Variants in REV3L observed in about 807,000 individuals in gnomAD.
REV3L encodes REV3 like, DNA directed polymerase zeta catalytic subunit.
A neutral mutation model predicts 299.4 loss-of-function variants in REV3L; 69 were observed. The ratio of observed to expected loss-of-function variants is 0.23; its 90% CI spans 0.19 to 0.28. REV3L has a LOEUF of 0.28. Ranked by LOEUF, REV3L falls within the 10% of genes least tolerant of loss-of-function variation. The pLI is 1.00. For missense variants in REV3L, 3,128 were observed against 3,693.8 expected, an observed-to-expected ratio of 0.85 and a Z score of 3.97; for synonymous variants, 1,238 against 1,271.4, an observed-to-expected ratio of 0.97 and a Z score of 0.56.
At chr6:111,437,717 T>G (rs1787736083) in intron 1 of REV3L, among the ~76,000 whole-genome samples, 1 of 152,126 alleles carries the variant, frequency 6.6e-6, no homozygotes, top group Non-Finnish European at 1.5e-5. Flanking sequence ...CTGACTGCTA[T>G]TTGAGACGGT....
chr6:111,316,068 A>G (rs925607031), intron 26 of REV3L, among the ~76,000 whole-genome samples: 1 of 152,022 alleles, frequency 6.6e-6, no homozygotes, highest in Non-Finnish European at 1.5e-5. Context: ...GTGAAACCCC[A>G]TCCCTACTAA....
In REV3L at chr6:111,405,623, C is replaced by T; in HGVS notation, c.412G>A (p.Glu138Lys). The T allele has an allele frequency of 5.0e-6, 8 of 1,587,476 alleles. No homozygotes were observed. The highest frequency in any genetic ancestry group is 6.8e-6 in the Non-Finnish European group (8 of 1,170,298). Residue 138 changes from glutamate to lysine, a missense_variant, in exon 4 of 32, where the codon GAA (glutamate) becomes AAA (lysine). Physicochemically the swap from Glu to Lys is moderately conservative, Grantham distance 56. Around this residue, in one of 9 missense-constraint regions of REV3L, gnomAD observed 2,409 missense variants for 2,611.8 expected, o/e 0.92. Transcript: ENST00000368802. ...ATTATGGCTCCGCTTTGCAAAAGTT[C>T]ACATATCCTAAATTAGAAAAAAAAA... Reference protein sequence around the residue: ...YNPTMVKRICELLQSGAIMNK... With the variant: ...YNPTMVKRICKLLQSGAIMNK...
intron 27 of REV3L, 34 bp downstream of exon 27, chr6:111,315,233 T>G: frequency 6.7e-7 from 1 of 1,502,520 alleles, no homozygotes; most frequent in South Asian, 1.2e-5. Flanking sequence ...TATATGAATT[T>G]TATATGTAAT....
chr6:111,482,294 G>C (rs955347081), intron 1 of REV3L, among the ~76,000 whole-genome samples: 3 of 152,212 alleles, frequency 2.0e-5, no homozygotes, highest in African/African-American at 7.2e-5. Context: ...TGACAACAAG[G>C]CTGACACTTC....
chr6:111,431,317 A>C (rs1562301715), intron 1 of REV3L: 2 of 1,174,638 alleles, frequency 1.7e-6, no homozygotes, highest in Non-Finnish European at 1.3e-6. Flanking sequence ...CAGCAAAAGA[A>C]ATGGAGATTA....
At chr6:111,319,092 C>T (rs897415542) in intron 26 of REV3L, among the ~76,000 whole-genome samples, 10 of 151,638 alleles carry the variant, frequency 6.6e-5, no homozygotes, top group African/African-American at 2.4e-4. Flanking sequence ...TATTTTATTA[C>T]ATACTATACA....
At chr6:111,414,519 A>T (rs1784563472) in intron 2 of REV3L, among the ~76,000 whole-genome samples, 1 of 152,186 alleles carries the variant, frequency 6.6e-6, no homozygotes, top group South Asian at 2.1e-4. Flanking sequence ...AATTTACAGT[A>T]TAAGAGTACT....
At chr6:111,359,950 T>A (rs1003911323) in intron 16 of REV3L, among the ~76,000 whole-genome samples, 1 of 152,208 alleles carries the variant, frequency 6.6e-6, no homozygotes, top group African/African-American at 2.4e-5. Context: ...GGTAAATCTC[T>A]ATCAAAATTA....
chr6:111,405,637 T>G lies in REV3L; in HGVS notation c.405-7A>C, dbSNP rs759467423. 6.4e-7 allele frequency: 1 copy of G among 1,563,678 alleles called. No individual in the cohort carries two copies. Among genetic ancestry groups the G allele is most frequent in the Admixed American group, 2.0e-5 (1 of 49,728 alleles). Reference sequence around the variant, plus strand: ...TTGCAAAAGTTCACATATCCTAAATTAGAAAAAAAAAGTTTTATCATAAAA... The same window carrying G: ...TTGCAAAAGTTCACATATCCTAAATGAGAAAAAAAAAGTTTTATCATAAAA... On this transcript the variant is annotated splice_polypyrimidine_tract_variant and splice_region_variant and intron_variant, in intron 3 of 31. Coordinates refer to ENST00000368802, the MANE Select transcript of REV3L (RefSeq NM_001372078.1).
chr6:111,383,567 T>C (rs562982822), intron 9 of REV3L, among the ~76,000 whole-genome samples: 2 of 152,234 alleles, frequency 1.3e-5, no homozygotes, highest in South Asian at 2.1e-4. Context: ...GAAACATCCC[T>C]ACAATGAAAA....
intron 12 of REV3L, among the ~76,000 whole-genome samples, chr6:111,377,018 G>A (rs1306909458): frequency 2.6e-5 from 4 of 152,096 alleles, no homozygotes; most frequent in Admixed American, 6.6e-5. Context: ...GGGCATAAGG[G>A]AAAAATACTG....
At chr6:111,383,199 C>T (rs1189855822) in intron 9 of REV3L, among the ~76,000 whole-genome samples, 1 of 152,190 alleles carries the variant, frequency 6.6e-6, no homozygotes, top group African/African-American at 2.4e-5. Context: ...AAAGCCCGTT[C>T]TCTAAGATCT....
chr6:111,339,967 C>T (rs959854864), intron 21 of REV3L, among the ~76,000 whole-genome samples: 10 of 151,972 alleles, frequency 6.6e-5, no homozygotes, highest in Admixed American at 1.3e-4. Context: ...AGTTTTGATC[C>T]GGAAAGGAGG....
At chr6:111,347,820 C>G (rs1043887761) in intron 20 of REV3L, among the ~76,000 whole-genome samples, 2 of 152,124 alleles carry the variant, frequency 1.3e-5, no homozygotes, top group Non-Finnish European at 2.9e-5. Context: ...AATTCCTGGC[C>G]TCAAAAGGTC....
chr6:111,427,359 G>C (rs1786299476), intron 1 of REV3L, among the ~76,000 whole-genome samples: 1 of 152,028 alleles, frequency 6.6e-6, no homozygotes, highest in Non-Finnish European at 1.5e-5. Flanking sequence ...CTTGTATCTA[G>C]AACAAACAAC....
At position 111,343,929 on chromosome 6, in the gene REV3L, ATAGATC is replaced by A; in HGVS notation, c.7528_7533del (p.Asp2510_Leu2511del). The A allele has an allele frequency of 6.4e-7, 1 of 1,569,298 alleles. No homozygotes were observed. The highest frequency in any genetic ancestry group is 8.7e-7 in the Non-Finnish European group (1 of 1,144,726). Reference sequence around the variant, plus strand: ...TTCAGAGTTATAGAACAGTACCTGTATAGATCTGTCTTGTTATCAAACCAGTCTGAC... The same window carrying A: ...TTCAGAGTTATAGAACAGTACCTGTATGTCTTGTTATCAAACCAGTCTGAC... On this transcript the variant is annotated inframe_deletion, in exon 21 of 32. Transcript: ENST00000368802.
chr6:111,367,517 T>C lies in REV3L; in HGVS notation c.6271A>G (p.Ser2091Gly). The change falls in exon 14 of 32, where the codon AGT becomes GGT. Residue 2091 changes from serine (S) to glycine (G), a missense_variant. This residue lies in a region of REV3L where 2,409 missense variants were observed against 2,611.8 expected (regional missense o/e 0.92). Coordinates refer to ENST00000368802, the MANE Select transcript of REV3L (RefSeq NM_001372078.1). ...GAGGCAACTGGTGGCAGCATCTGAC[T>C]TTCACTTGCAGTTTGACTACATCCC... is the stretch of plus-strand genomic sequence containing the variant. ...TTGCSQTASE[S>G]QMLPPVASAS... 2.5e-6 allele frequency: 4 copies of C among 1,611,060 alleles called. No homozygotes were observed. Among genetic ancestry groups the C allele is most frequent in the South Asian group, 2.2e-5 (2 of 90,886 alleles).
rs148012746 is a variant in REV3L at position 111,373,139 on chromosome 6, C to T, written c.5216G>A (p.Arg1739His). 28 of 1,614,058 alleles carry T rather than the reference C, an allele frequency of 1.7e-5. No homozygotes were observed. The highest frequency in any genetic ancestry group is 1.6e-4 in the Middle Eastern group (1 of 6,062). Residue 1739 changes from arginine (R) to histidine (H), a missense_variant, in exon 13 of 32, where the codon CGT becomes CAT. This residue lies in a region of REV3L where 2,409 missense variants were observed against 2,611.8 expected (regional missense o/e 0.92). Transcript: ENST00000368802. ...GCTATTTTTCCACTGGTTGTGGCGA[C>T]GATTCTCATTGCTATCTATGGTTGA... is the stretch of plus-strand genomic sequence containing the variant. ...EKSTIDSNEN[R>H]RHNQWKNSFH...
At chr6:111,313,792 G>T (rs1291783267) in intron 27 of REV3L, among the ~76,000 whole-genome samples, 1 of 152,164 alleles carries the variant, frequency 6.6e-6, no homozygotes, top group Non-Finnish European at 1.5e-5. Flanking sequence ...TATTTTTCCG[G>T]ATCTATCTCC....
Sources: allele counts gnomAD v4.1 joint callset (sites outside exome capture counted in the v4.1 genomes callset), GRCh38; gene constraint gnomAD v4.1.1; regional missense constraint gnomAD v4.1.1; transcripts MANE v1.5; gene names NCBI Gene and HGNC (gene_info 2026-07-23, HGNC 2026-07-21).